Variants in BBX observed in about 807,000 individuals in gnomAD.
BBX encodes the protein BBX high mobility group box domain containing.
BBX carries 30 observed loss-of-function variants against 100.2 expected under a neutral mutation model. The ratio of observed to expected loss-of-function variants is 0.30; its 90% CI spans 0.22 to 0.41. BBX has a LOEUF of 0.41. Ranked by LOEUF, BBX falls within the 10% of genes least tolerant of loss-of-function variation. The probability of loss-of-function intolerance (pLI) is 1.00; values close to 1 mark genes in which losing one functional copy is unlikely to be tolerated. For missense variants in BBX, 1,023 were observed against 1,129.8 expected, an observed-to-expected ratio of 0.91 and a Z score of 1.35; for synonymous variants, 376 against 388.1, an observed-to-expected ratio of 0.97 and a Z score of 0.37.
intron 3 of BBX, among the ~76,000 whole-genome samples, chr3:107,681,138 A>G (rs1010574019): frequency 6.6e-6 from 1 of 152,184 alleles, no homozygotes; most frequent in African/African-American, 2.4e-5. Flanking sequence ...GATAGCTTAT[A>G]AGTAATCAAC....
intron 10 of BBX, among the ~76,000 whole-genome samples, chr3:107,771,723 A>T (rs1000314468): frequency 5.9e-5 from 9 of 152,190 alleles, no homozygotes; most frequent in Admixed American, 5.9e-4. Context: ...CAGAGCATTT[A>T]TGACTTTAGA....
At chr3:107,685,127 A>G (rs141056950) in intron 3 of BBX, among the ~76,000 whole-genome samples, 1 of 152,304 alleles carries the variant, frequency 6.6e-6, no homozygotes, top group African/African-American at 2.4e-5. Flanking sequence ...ATAAGAATGT[A>G]TTAGTTTTAG....
chr3:107,638,791 ACACACACACACACACACACACAC>A (rs1559904364), intron 2 of BBX, among the ~76,000 whole-genome samples: 6 of 31,466 alleles, frequency 1.9e-4, no homozygotes, highest in Admixed American at 8.4e-4. Flanking sequence ...ACACACACAC[ACACACACACACACACACACACAC>A]ACACACACAC....
At chr3:107,660,201 G>A (rs558918282) in intron 3 of BBX, among the ~76,000 whole-genome samples, 44 of 151,984 alleles carry the variant, frequency 2.9e-4, no homozygotes, top group African/African-American at 8.7e-4. Context: ...TGACTAATTT[G>A]GAATTTATAA....
At chr3:107,661,981 A>G in intron 3 of BBX, 1 of 841,200 alleles carries the variant, frequency 1.2e-6, no homozygotes, top group Non-Finnish European at 1.4e-6. Flanking sequence ...ACTACTGTTC[A>G]CGCAGCATAG....
At chr3:107,616,231 C>T (rs1424168890) in intron 2 of BBX, among the ~76,000 whole-genome samples, 2 of 151,506 alleles carry the variant, frequency 1.3e-5, no homozygotes, top group East Asian at 1.9e-4. Flanking sequence ...CTCACTGGAG[C>T]GTTTCAGATT....
intron 2 of BBX, among the ~76,000 whole-genome samples, chr3:107,559,288 G>A (rs1340047421): frequency 2.0e-5 from 3 of 152,190 alleles, no homozygotes; most frequent in African/African-American, 7.2e-5. Flanking sequence ...ATAAGTAGGA[G>A]GGAGACAAGT....
At position 107,736,953 on chromosome 3, in the gene BBX, A is replaced by G. The variant is rs533844787; in HGVS notation, c.669+3930A>G. Among the ~76,000 whole-genome samples, 8 of 152,212 alleles carry G rather than the reference A, an allele frequency of 5.3e-5. No homozygotes were observed. The East Asian group carries it at 7.7e-4, about 15-fold the overall frequency. On this transcript the variant is annotated intron_variant, in intron 7 of 17. Coordinates refer to ENST00000325805, the MANE Select transcript of BBX (RefSeq NM_001142568.3). ...ATGACTGTTGGAAGCTAAACTTTCA[A>G]ATATATGGGAAGTACCTTAGACTTT...
intron 2 of BBX, among the ~76,000 whole-genome samples, chr3:107,591,781 C>T (rs1172035385): frequency 6.6e-6 from 1 of 152,162 alleles, no homozygotes; most frequent in Non-Finnish European, 1.5e-5. Flanking sequence ...AGCTGCCCGG[C>T]CAGTAAATGT....
intron 13 of BBX, among the ~76,000 whole-genome samples, chr3:107,779,001 A>ATATATATATATATATATATATATG (rs2067573495): frequency 1.4e-5 from 1 of 69,454 alleles, no homozygotes; most frequent in African/African-American, 4.4e-5. Context: ...CAACATATAT[A>ATATATATATATATATATATATATG]TATATATATA....
At chr3:107,663,502 C>G (rs2058571478) in intron 3 of BBX, among the ~76,000 whole-genome samples, 1 of 152,034 alleles carries the variant, frequency 6.6e-6, no homozygotes, top group Non-Finnish European at 1.5e-5. Flanking sequence ...CTCTCTTTAC[C>G]CCCTCATCAC....
chr3:107,697,753 T>C (rs1218873241), intron 3 of BBX, among the ~76,000 whole-genome samples: 1 of 151,818 alleles, frequency 6.6e-6, no homozygotes, highest in Non-Finnish European at 1.5e-5. Context: ...CTGCTTTGTT[T>C]ACCTAAGCAA....
intron 13 of BBX, among the ~76,000 whole-genome samples, 192 bp from the exon 14 acceptor site, chr3:107,789,595 C>T (rs999451919): frequency 6.6e-6 from 1 of 152,130 alleles, no homozygotes; most frequent in Non-Finnish European, 1.5e-5. Flanking sequence ...TAAGGAAAAT[C>T]TCACTGGGTT....
intron 3 of BBX, among the ~76,000 whole-genome samples, chr3:107,698,982 G>A (rs1224523890): frequency 6.6e-6 from 1 of 151,706 alleles, no homozygotes; most frequent in Non-Finnish European, 1.5e-5. Flanking sequence ...AAAGGACTAT[G>A]GGCAGGAGGA....
intron 3 of BBX, among the ~76,000 whole-genome samples, chr3:107,695,940 C>T (rs1419495043): frequency 6.6e-6 from 1 of 151,820 alleles, no homozygotes; most frequent in African/African-American, 2.4e-5. Flanking sequence ...GATCCGTTTA[C>T]CATTAAGTAA....
At chr3:107,659,966 A>G (rs2058359952) in intron 3 of BBX, among the ~76,000 whole-genome samples, 1 of 152,164 alleles carries the variant, frequency 6.6e-6, no homozygotes, top group Admixed American at 6.6e-5. Context: ...ATCCTTGATT[A>G]ATGTTTCCAC....
chr3:107,691,007 G>A (rs1020601756), intron 3 of BBX, among the ~76,000 whole-genome samples: 2 of 146,502 alleles, frequency 1.4e-5, no homozygotes, highest in African/African-American at 5.0e-5. Flanking sequence ...CCAAGGCTCA[G>A]GGGATTCTCC....
At chr3:107,609,958 A>G (rs935887602) in intron 2 of BBX, among the ~76,000 whole-genome samples, 4 of 151,868 alleles carry the variant, frequency 2.6e-5, no homozygotes, top group Admixed American at 6.6e-5. Flanking sequence ...GCATCAACAT[A>G]TAGTTTATTT....
At chr3:107,665,439 T>G (rs1478708505) in intron 3 of BBX, among the ~76,000 whole-genome samples, 1 of 152,156 alleles carries the variant, frequency 6.6e-6, no homozygotes, top group East Asian at 1.9e-4. Context: ...CTAATTGAAA[T>G]GAAAAACGCT....
Sources: gnomAD v4.1 joint callset for allele counts (sites outside exome capture counted in the v4.1 genomes callset) on GRCh38, gnomAD v4.1.1 for gene constraint, MANE v1.5 for transcripts, NCBI Gene and HGNC (gene_info 2026-07-23, HGNC 2026-07-21) for gene names.